BCAT1: variants seen among roughly 807,000 people sequenced by gnomAD.
BCAT1 encodes the protein branched-chain-amino-acid aminotransferase, cytosolic.
In BCAT1, 48 loss-of-function variants were observed where a neutral mutation model predicts 52.4. The observed-to-expected ratio is 0.92, with a 90% CI of 0.73 to 1.16. The LOEUF (loss-of-function observed/expected upper bound fraction) is 1.16. Ranked by LOEUF, BCAT1 falls within the 50% of genes most tolerant of loss-of-function variation. The pLI is 0.00. For missense variants in BCAT1, 451 were observed against 457.1 expected, an observed-to-expected ratio of 0.99 and a Z score of 0.12; for synonymous variants, 167 against 161.3, an observed-to-expected ratio of 1.04 and a Z score of -0.27.
chr12:24,886,416 A>T (rs1942663466), intron 3 of BCAT1, among the ~76,000 whole-genome samples: 1 of 152,226 alleles, frequency 6.6e-6, no homozygotes, highest in Non-Finnish European at 1.5e-5. Context: ...ATAAATAAAT[A>T]AAAATCTGCC....
intron 10 of BCAT1, among the ~76,000 whole-genome samples, chr12:24,818,539 A>G (rs1172203403): frequency 6.6e-6 from 1 of 152,164 alleles, no homozygotes; most frequent in Non-Finnish European, 1.5e-5. Flanking sequence ...GAATCTGGGG[A>G]TGGGTTCCAG....
At chr12:24,903,097 C>A (rs1943161409) in intron 1 of BCAT1, 1 of 1,355,726 alleles carries the variant, frequency 7.4e-7, no homozygotes, top group African/African-American at 1.5e-5. Context: ...GCCCATAGGG[C>A]GCTGGGTACC....
intron 1 of BCAT1, among the ~76,000 whole-genome samples, chr12:24,922,470 T>C (rs1006583543): frequency 1.3e-5 from 2 of 152,206 alleles, no homozygotes; most frequent in African/African-American, 4.8e-5. Context: ...AAGGTAGATA[T>C]CATCATTATT....
At chr12:24,839,085 T>C (rs1941093579) in intron 7 of BCAT1, among the ~76,000 whole-genome samples, 1 of 152,232 alleles carries the variant, frequency 6.6e-6, no homozygotes, top group South Asian at 2.1e-4. Context: ...CCTGCTTACT[T>C]TCTAATAGAC....
chr12:24,926,593 C>T (rs1371541387), intron 1 of BCAT1, among the ~76,000 whole-genome samples: 1 of 152,158 alleles, frequency 6.6e-6, no homozygotes, highest in African/African-American at 2.4e-5. Context: ...ACATAGGAGA[C>T]TCCATTTTGT....
chr12:24,812,670 AAT>A lies in BCAT1; in HGVS notation c.*5336_*5337del, dbSNP rs1939728329. 6.6e-6 allele frequency: 1 copy of A among 151,976 alleles called. No homozygotes were observed. The highest frequency in any genetic ancestry group is 1.5e-5 in the Non-Finnish European group (1 of 67,876). 9.4% of individuals were successfully genotyped at this position (151,976 alleles called of 1,614,324 possible). ...AAAAAGCTCCTTTGGATAACACAAA[AAT>A]ATGTTTTGTTTTTTTCCCCTCCTCT... On this transcript the variant is annotated 3_prime_UTR_variant, in exon 11 of 11. Coordinates refer to ENST00000261192, the MANE Select transcript of BCAT1 (RefSeq NM_005504.7).
At chr12:24,945,489 C>T (rs912390119) in intron 1 of BCAT1, 8 of 152,104 alleles carry the variant, frequency 5.3e-5, no homozygotes, top group African/African-American at 1.9e-4. Context: ...TGTTACAATA[C>T]AAAAGCTGCC....
intron 3 of BCAT1, among the ~76,000 whole-genome samples, chr12:24,890,532 C>T (rs537211852): frequency 6.6e-6 from 1 of 152,074 alleles, no homozygotes; most frequent in Admixed American, 6.5e-5. Context: ...GATGTCTGGC[C>T]GTCCTCGCTG....
intron 3 of BCAT1, among the ~76,000 whole-genome samples, chr12:24,892,486 A>G (rs1426427612): frequency 6.6e-6 from 1 of 152,230 alleles, no homozygotes. Flanking sequence ...CTGGAGATGT[A>G]GCCAGCTGAT....
At chr12:24,887,111 A>ATATATAT (rs1942702628) in intron 3 of BCAT1, among the ~76,000 whole-genome samples, 8 of 127,202 alleles carry the variant, frequency 6.3e-5, no homozygotes, top group Non-Finnish European at 1.0e-4. Flanking sequence ...ATATATATAT[A>ATATATAT]AAGCTGATAA....
intron 10 of BCAT1, among the ~76,000 whole-genome samples, chr12:24,827,783 CT>C (rs1158458952): frequency 2.0e-5 from 3 of 152,128 alleles, no homozygotes; most frequent in Non-Finnish European, 4.4e-5. Context: ...CAGAGTAAGA[CT>C]CTGTCTCAAA....
chr12:24,879,634 C>G (rs1209403778), intron 4 of BCAT1, among the ~76,000 whole-genome samples: 1 of 152,160 alleles, frequency 6.6e-6, no homozygotes, highest in Non-Finnish European at 1.5e-5. Flanking sequence ...CCTGTAGCAC[C>G]TGCCTCAGCC....
In BCAT1 at chr12:24,810,606, T is replaced by A. The variant is rs1209344374; in HGVS notation, c.*7402A>T. 2.0e-5 allele frequency: 3 copies of A among 152,202 alleles called. No homozygotes were observed. The highest frequency in any genetic ancestry group is 7.2e-5 in the African/African-American group (3 of 41,462). 9.4% of individuals were successfully genotyped at this position (152,202 alleles called of 1,614,324 possible). A position where few individuals can be genotyped will look rare whatever the true frequency, so the allele number is the denominator to read the frequency against. On this transcript the variant is annotated 3_prime_UTR_variant, in exon 11 of 11. Transcript: ENST00000261192. The stretch of plus-strand genomic sequence containing the variant: ...TGACACTGTAAGAACACTTGACTAA[T>A]AACCTTTGCCTAGACCTTCCAAACT...
At chr12:24,931,674 T>C (rs1943677398) in intron 1 of BCAT1, among the ~76,000 whole-genome samples, 2 of 152,206 alleles carry the variant, frequency 1.3e-5, no homozygotes, top group South Asian at 4.1e-4. Context: ...ACCTAGGATA[T>C]TATTCAAAAT....
intron 1 of BCAT1, among the ~76,000 whole-genome samples, chr12:24,917,883 G>A (rs1197165621): frequency 6.6e-6 from 1 of 152,178 alleles, no homozygotes; most frequent in African/African-American, 2.4e-5. Flanking sequence ...TGTCAAACAA[G>A]CTGCCATCTC....
intron 5 of BCAT1, among the ~76,000 whole-genome samples, chr12:24,865,974 C>T (rs1031590067): frequency 5.3e-5 from 8 of 152,266 alleles, no homozygotes; most frequent in Non-Finnish European, 8.8e-5. Context: ...CCATTCTGAC[C>T]GCGCTTGAGG....
chr12:24,917,929 G>A (rs999695609), intron 1 of BCAT1, among the ~76,000 whole-genome samples: 3 of 152,200 alleles, frequency 2.0e-5, no homozygotes, highest in African/African-American at 4.8e-5. Flanking sequence ...AAATCAAAGT[G>A]AGCATTGTTC....
chr12:24,906,860 A>G (rs1943234254), intron 1 of BCAT1, among the ~76,000 whole-genome samples: 1 of 152,160 alleles, frequency 6.6e-6, no homozygotes, highest in African/African-American at 2.4e-5. Flanking sequence ...TGTTATCCGC[A>G]TCCTAGTACC....
intron 5 of BCAT1, among the ~76,000 whole-genome samples, chr12:24,855,311 AAAAAAAAAAAGAAAG>A (rs1052773144): frequency 7.3e-5 from 11 of 151,362 alleles, no homozygotes; most frequent in South Asian, 2.1e-4. Context: ...GCAGTTAAAA[AAAAAAAAAAAGAAAG>A]AAAAAAAAAA....
Sources: allele counts gnomAD v4.1 joint callset (sites outside exome capture counted in the v4.1 genomes callset), GRCh38; gene constraint gnomAD v4.1.1; transcripts MANE v1.5; gene names NCBI Gene and HGNC (gene_info 2026-07-23, HGNC 2026-07-21).